Variants in CDC42BPB observed in about 807,000 individuals in gnomAD.
The protein encoded by CDC42BPB is serine/threonine-protein kinase MRCK beta.
In CDC42BPB, 37 loss-of-function variants were observed where a neutral mutation model predicts 214.9. The ratio of observed to expected loss-of-function variants is 0.17; its 90% CI spans 0.13 to 0.23. The LOEUF (loss-of-function observed/expected upper bound fraction) is 0.23. Ranked by LOEUF, CDC42BPB falls within the 10% of genes least tolerant of loss-of-function variation. The pLI, the probability that CDC42BPB is intolerant of heterozygous loss-of-function variation, is 1.00. For synonymous variants in CDC42BPB, 931 were observed against 884.0 expected, an observed-to-expected ratio of 1.05 and a Z score of -0.94; for missense variants, 1,694 against 2,227.0, an observed-to-expected ratio of 0.76 and a Z score of 4.82.
chr14:102,970,504 G>C, intron 13 of CDC42BPB: 1 of 366,204 alleles, frequency 2.7e-6, no homozygotes, highest in Non-Finnish European at 3.8e-6. Flanking sequence ...TTTCAAGAAA[G>C]GATACATTTC....
intron 24 of CDC42BPB, 86 bp from the exon 25 acceptor site, chr14:102,950,688 A>G: frequency 1.9e-5 from 26 of 1,398,408 alleles, no homozygotes; most frequent in Middle Eastern, 1.9e-4. Context: ...AGGCAATTTA[A>G]TAATCACCAG....
rs920295892 is a variant in CDC42BPB at position 102,964,382 on chromosome 14, C to T, written c.2726+120G>A. 3.3e-6 allele frequency: 4 copies of T among 1,225,654 alleles called. No homozygotes were observed. In the Admixed American group the frequency reaches 7.5e-5, roughly 23 times the overall value. 75.9% of individuals were successfully genotyped at this position (1,225,654 alleles called of 1,614,324 possible). A position where few individuals can be genotyped will look rare whatever the true frequency, so the allele number is the denominator to read the frequency against. On this transcript the variant is annotated intron_variant, in intron 19 of 36. Transcript: ENST00000361246. ...CCCGACGTGCTGCCTCCTAAGGCTC[C>T]AGCAAACGCCGTGGCCCCGATTTTC... is the stretch of plus-strand genomic sequence containing the variant.
At chr14:102,985,177 T>A (rs371716870) in intron 6 of CDC42BPB, among the ~76,000 whole-genome samples, 3 of 146,678 alleles carry the variant, frequency 2.0e-5, no homozygotes, top group South Asian at 2.2e-4. Context: ...GCTCTGGTTA[T>A]ACTGTGACAG....
At chr14:103,019,366 T>C (rs1236884974) in intron 1 of CDC42BPB, among the ~76,000 whole-genome samples, 1 of 152,156 alleles carries the variant, frequency 6.6e-6, no homozygotes, top group Non-Finnish European at 1.5e-5. Context: ...CGCCTTGCAT[T>C]GCCCACACCA....
chr14:103,046,052 C>T (rs779269966), intron 1 of CDC42BPB, among the ~76,000 whole-genome samples: 36 of 152,078 alleles, frequency 2.4e-4, no homozygotes, highest in Non-Finnish European at 4.1e-4. Context: ...GCAGGGGCAA[C>T]GAGGCTGGGG....
chr14:103,029,454 A>C (rs894902759), intron 1 of CDC42BPB, among the ~76,000 whole-genome samples: 4 of 151,722 alleles, frequency 2.6e-5, no homozygotes, highest in Non-Finnish European at 4.4e-5. Flanking sequence ...GAGGCAGGAG[A>C]ATGGCATGAA....
chr14:103,042,983 A>G (rs773671943), intron 1 of CDC42BPB, among the ~76,000 whole-genome samples: 12 of 151,238 alleles, frequency 7.9e-5, no homozygotes, highest in Non-Finnish European at 1.6e-4. Flanking sequence ...ATGTTCAGAG[A>G]ATAGGTATTA....
Position 103,001,631 on chromosome 14 carries a change from G to A in CDC42BPB, c.448-1918C>T, listed in dbSNP as rs1442775428. ...CGTTCAGAAGCCCAGGCACCGAGGT[G>A]CCACTGCGTGTGGAGGGCGATGCAG... On this transcript the variant is annotated intron_variant, in intron 4 of 36. Coordinates refer to ENST00000361246, the MANE Select transcript of CDC42BPB (RefSeq NM_006035.4). This position sits in a 1 kb window ranked among gnomAD's most constrained non-coding sequence, Gnocchi z 5.8. 2.0e-5 allele frequency among the ~76,000 whole-genome samples: 3 copies of A among 152,206 alleles called. No individual in the cohort carries two copies. Among genetic ancestry groups the A allele is most frequent in the Non-Finnish European group, 2.9e-5 (2 of 68,036 alleles).
intron 11 of CDC42BPB, 92 bp downstream of exon 11, chr14:102,975,592 T>C: frequency 7.5e-7 from 1 of 1,330,576 alleles, no homozygotes. Flanking sequence ...TTTTTTCTGC[T>C]TTCCCACTTT....
intron 1 of CDC42BPB, among the ~76,000 whole-genome samples, chr14:103,021,087 C>T (rs974938136): frequency 6.6e-6 from 1 of 152,126 alleles, no homozygotes; most frequent in Non-Finnish European, 1.5e-5. Flanking sequence ...GGAAGTATAA[C>T]GCTGTAAAAA....
chr14:102,999,493 A>G (rs1485700827), intron 5 of CDC42BPB, 72 bp downstream of exon 5: 20 of 1,515,290 alleles, frequency 1.3e-5, no homozygotes, highest in Middle Eastern at 3.4e-4. Context: ...GACGGCCTGG[A>G]CTTGGGAGCT....
At chr14:102,976,707 G>C (rs1338213671) in intron 9 of CDC42BPB, among the ~76,000 whole-genome samples, 1 of 152,232 alleles carries the variant, frequency 6.6e-6, no homozygotes, top group Non-Finnish European at 1.5e-5. Context: ...GTTCCATAAA[G>C]GCACCCAGCC....
At chr14:103,016,725 G>A (rs1010317556) in intron 1 of CDC42BPB, among the ~76,000 whole-genome samples, 1 of 152,142 alleles carries the variant, frequency 6.6e-6, no homozygotes, top group Non-Finnish European at 1.5e-5. Flanking sequence ...TTGGGTTATT[G>A]GTATGAACTT....
chr14:103,056,763 G>GGAGGA (rs1204883533), intron 1 of CDC42BPB, among the ~76,000 whole-genome samples: 1 of 152,144 alleles, frequency 6.6e-6, no homozygotes, highest in Non-Finnish European at 1.5e-5. Context: ...TCGAGCCTAG[G>GGAGGA]GAGGGCAAGG....
chr14:103,018,146 A>G (rs531204751), intron 1 of CDC42BPB, among the ~76,000 whole-genome samples: 1 of 152,298 alleles, frequency 6.6e-6, no homozygotes, highest in African/African-American at 2.4e-5. Flanking sequence ...TCGTGCTCCT[A>G]TGAGAATCTA....
intron 5 of CDC42BPB, among the ~76,000 whole-genome samples, chr14:102,993,276 C>A (rs1053405925): frequency 6.6e-6 from 1 of 152,210 alleles, no homozygotes; most frequent in Non-Finnish European, 1.5e-5. Flanking sequence ...CACTTCCCAA[C>A]AGACTCCACC....
rs1340017746 is a variant in CDC42BPB, at chr14:102,998,665, G to A, written c.596+900C>T. Among the ~76,000 whole-genome samples, 3 of 152,254 alleles carry A rather than the reference G, an allele frequency of 2.0e-5. No homozygotes were observed. In the East Asian group the frequency reaches 5.8e-4, roughly 29 times the overall value. ...AGAGCAGGAGACGGAGCTGCTTTAG[G>A]CCTCTGCCCCACACGCTCTCTCAGC... On this transcript the variant is annotated intron_variant, in intron 5 of 36. Coordinates refer to ENST00000361246, the MANE Select transcript of CDC42BPB (RefSeq NM_006035.4).
At chr14:103,021,902 T>C (rs1175222179) in intron 1 of CDC42BPB, among the ~76,000 whole-genome samples, 1 of 152,024 alleles carries the variant, frequency 6.6e-6, no homozygotes, top group East Asian at 1.9e-4. Context: ...GGATGGGGCG[T>C]GCAGGTTGAC....
intron 1 of CDC42BPB, among the ~76,000 whole-genome samples, chr14:103,043,012 T>A (rs1434440292): frequency 3.3e-5 from 5 of 152,194 alleles, no homozygotes; most frequent in African/African-American, 1.2e-4. Flanking sequence ...CAAAAGGTAC[T>A]TTGGGAGGCC....
Sources: gnomAD v4.1 joint callset for allele counts (sites outside exome capture counted in the v4.1 genomes callset) on GRCh38, gnomAD v4.1.1 for gene constraint, Gnocchi (gnomAD v3.1) non-coding constraint, MANE v1.5 for transcripts, NCBI Gene and HGNC (gene_info 2026-07-23, HGNC 2026-07-21) for gene names.